The following CFAP58 variants were observed in gnomAD, a reference collection of about 807,000 sequenced individuals.
The protein encoded by CFAP58 is cilia and flagella associated protein 58.
CFAP58 carries 88 observed loss-of-function variants against 119.5 expected under a neutral mutation model. That is an observed-to-expected ratio of 0.74 (90% confidence interval 0.62 to 0.88). The LOEUF (loss-of-function observed/expected upper bound fraction) is 0.88. CFAP58 is among the 40% of genes least tolerant of loss of function. The pLI is 0.00. For synonymous variants in CFAP58, 365 were observed against 366.3 expected (o/e 1.00, Z 0.04); for missense variants, 990 against 1,021.2 (o/e 0.97, Z 0.42).
intron 4 of CFAP58, among the ~76,000 whole-genome samples, chr10:104,365,588 C>T (rs2014730552): frequency 6.6e-6 from 1 of 152,008 alleles, no homozygotes; most frequent in African/African-American, 2.4e-5. Context: ...GATTTGTTGC[C>T]CACCATCAGG....
At chr10:104,396,128 C>T (rs1209342804) in intron 11 of CFAP58, among the ~76,000 whole-genome samples, 1 of 152,216 alleles carries the variant, frequency 6.6e-6, no homozygotes, top group Non-Finnish European at 1.5e-5. Context: ...GTTTCATCAG[C>T]ACTGAAGGAA....
intron 10 of CFAP58, among the ~76,000 whole-genome samples, 170 bp from the exon 11 acceptor site, chr10:104,393,159 T>A (rs2012083453): frequency 6.6e-6 from 1 of 152,202 alleles, no homozygotes; most frequent in Admixed American, 6.5e-5. Context: ...TACAATAAAG[T>A]ACTTTGAGGT....
rs2014622204 is a variant in CFAP58, at chr10:104,358,346, G to A, written c.15G>A (p.Lys5=). 5 of 1,608,880 alleles carry A rather than the reference G, an allele frequency of 3.1e-6. No homozygotes were observed. Among genetic ancestry groups the A allele is most frequent in the Non-Finnish European group, 4.2e-6 (5 of 1,176,510 alleles). ...TCCCTGCTTTTTTTCTATAGGAAAA[G>A]GGTGGAAAGCAAGTCCTGGAAGAAT... MAEE[K]GGKQVLEESA... Residue 5 remains lysine (K), a synonymous_variant, in exon 2 of 18, where the codon AAG becomes AAA. Transcript: ENST00000369704.
chr10:104,405,013 A>G (rs1233407723), intron 14 of CFAP58, among the ~76,000 whole-genome samples: 2 of 151,876 alleles, frequency 1.3e-5, no homozygotes, highest in African/African-American at 4.8e-5. Flanking sequence ...TTTACTTTTT[A>G]TTTTTTCCTT....
chr10:104,411,671 T>C (rs1414340017), intron 15 of CFAP58, among the ~76,000 whole-genome samples: 1 of 152,192 alleles, frequency 6.6e-6, no homozygotes. Context: ...ATTCTCACTT[T>C]GGGTTTCTTG....
At chr10:104,451,251 T>C (rs928162057) in intron 17 of CFAP58, among the ~76,000 whole-genome samples, 2 of 152,204 alleles carry the variant, frequency 1.3e-5, no homozygotes, top group Non-Finnish European at 2.9e-5. Context: ...CTATGATTTG[T>C]TAGTAGCAAA....
At chr10:104,365,510 C>A (rs571904467) in intron 4 of CFAP58, among the ~76,000 whole-genome samples, 21 of 152,250 alleles carry the variant, frequency 1.4e-4, no homozygotes, top group Admixed American at 5.9e-4. Flanking sequence ...GGGATGAATT[C>A]TTTCCATGTT....
intron 11 of CFAP58, among the ~76,000 whole-genome samples, chr10:104,397,057 C>G (rs540666031): frequency 1.8e-4 from 27 of 152,292 alleles, no homozygotes; most frequent in Admixed American, 1.7e-3. Flanking sequence ...CTGTTGATTG[C>G]ATTTGAATAT....
chr10:104,410,917 CT>C (rs1452682328), intron 15 of CFAP58, among the ~76,000 whole-genome samples: 1 of 151,798 alleles, frequency 6.6e-6, no homozygotes, highest in Non-Finnish European at 1.5e-5. Context: ...ATTTTCTTAG[CT>C]TTATCTCTAT....
chr10:104,351,960 T>C (rs1589903457), upstream of CFAP58: 1 of 151,840 alleles, frequency 6.6e-6, no homozygotes, highest in African/African-American at 2.4e-5. Flanking sequence ...AAAAGATCAA[T>C]AGAAAAATAG....
intron 15 of CFAP58, among the ~76,000 whole-genome samples, chr10:104,438,374 GT>G (rs1331646903): frequency 1.6e-4 from 8 of 51,248 alleles, no homozygotes; most frequent in Non-Finnish European, 2.7e-4. Flanking sequence ...TTTTTTTTTT[GT>G]TTTTTTTTTT....
intron 15 of CFAP58, among the ~76,000 whole-genome samples, chr10:104,439,898 C>T (rs2013007803): frequency 6.6e-6 from 1 of 152,204 alleles, no homozygotes; most frequent in African/African-American, 2.4e-5. Flanking sequence ...CGGCTCACTG[C>T]AAGCTCCGCC....
chr10:104,447,961 T>A, intron 16 of CFAP58, 144 bp downstream of exon 16: 1 of 1,022,458 alleles, frequency 9.8e-7, no homozygotes, highest in Non-Finnish European at 1.4e-6. Context: ...AGCTCTAGTC[T>A]AGGATGAGCC....
chr10:104,413,800 C>T (rs550806214), intron 15 of CFAP58, among the ~76,000 whole-genome samples: 1 of 152,078 alleles, frequency 6.6e-6, no homozygotes, highest in South Asian at 2.1e-4. Context: ...TTGGCATCAT[C>T]ATCATCATCA....
intron 12 of CFAP58, 125 bp downstream of exon 12, chr10:104,399,625 G>T: frequency 1.0e-6 from 1 of 960,782 alleles, no homozygotes. Context: ...CAGCAGCAGA[G>T]ACCCATCTTG....
At chr10:104,396,644 A>G (rs993571552) in intron 11 of CFAP58, among the ~76,000 whole-genome samples, 1 of 152,242 alleles carries the variant, frequency 6.6e-6, no homozygotes, top group Non-Finnish European at 1.5e-5. Flanking sequence ...CTGGTTACAG[A>G]TAATCCATAA....
chr10:104,399,264 G>A, intron 11 of CFAP58, 96 bp from the exon 12 acceptor site: 1 of 1,355,634 alleles, frequency 7.4e-7, no homozygotes, highest in Non-Finnish European at 1.0e-6. Context: ...AGAGGAAAGA[G>A]TAAGAAGCAC....
chr10:104,376,108 A>G (rs1210326503), intron 7 of CFAP58, among the ~76,000 whole-genome samples: 2 of 152,220 alleles, frequency 1.3e-5, no homozygotes, highest in Non-Finnish European at 2.9e-5. Flanking sequence ...GAGACTTCGC[A>G]GGGCAATTTC....
At chr10:104,349,107 G>T (rs895803158), upstream of CFAP58, among the ~76,000 whole-genome samples, 5 of 152,140 alleles carry the variant, frequency 3.3e-5, no homozygotes, top group Non-Finnish European at 4.4e-5. Context: ...AATTAGCTGG[G>T]TGTGGTGGTG....
Sources: gnomAD v4.1 joint callset for allele counts (sites outside exome capture counted in the v4.1 genomes callset) on GRCh38, gnomAD v4.1.1 for gene constraint, MANE v1.5 for transcripts, NCBI Gene and HGNC (gene_info 2026-07-23, HGNC 2026-07-21) for gene names.